Variants in LARGE1 observed in about 807,000 individuals in gnomAD.
LARGE1 encodes LARGE xylosyl- and glucuronyltransferase 1.
A neutral mutation model predicts 87.6 loss-of-function variants in LARGE1; 43 were observed. The ratio of observed to expected loss-of-function variants is 0.49; its 90% CI spans 0.38 to 0.63. The LOEUF (loss-of-function observed/expected upper bound fraction) is 0.63, where lower values mean the gene tolerates loss of function less well. Ranked by LOEUF, LARGE1 falls within the 30% of genes least tolerant of loss-of-function variation. The pLI, the probability that LARGE1 is intolerant of heterozygous loss-of-function variation, is 0.00. For synonymous variants in LARGE1, 434 were observed against 394.6 expected, an observed-to-expected ratio of 1.10 and a Z score of -1.18; for missense variants, 802 against 1,000.2, an observed-to-expected ratio of 0.80 and a Z score of 2.67.
intron 7 of LARGE1, among the ~76,000 whole-genome samples, chr22:33,418,237 G>A (rs2066571205): frequency 1.3e-5 from 2 of 152,166 alleles, no homozygotes; most frequent in South Asian, 2.1e-4. Context: ...GTGAGCCACT[G>A]CAGCCGGCCA....
chr22:33,415,120 A>T (rs1002133151), intron 7 of LARGE1, among the ~76,000 whole-genome samples: 1 of 152,248 alleles, frequency 6.6e-6, no homozygotes, highest in Non-Finnish European at 1.5e-5. Flanking sequence ...AGGGCAAGTC[A>T]GGAGGAGCAC....
intron 6 of LARGE1, among the ~76,000 whole-genome samples, chr22:33,530,070 C>G (rs2072120215): frequency 6.6e-6 from 1 of 152,210 alleles, no homozygotes; most frequent in South Asian, 2.1e-4. Context: ...AATTTCTAAA[C>G]TATCAGATGT....
At chr22:33,664,068 T>A (rs921864351) in intron 2 of LARGE1, among the ~76,000 whole-genome samples, 1 of 152,186 alleles carries the variant, frequency 6.6e-6, no homozygotes, top group Admixed American at 6.5e-5. Flanking sequence ...TAACAGCTCT[T>A]TATGCCACCT....
chr22:33,742,363 T>C lies in LARGE1; in HGVS notation c.106+19008A>G, dbSNP rs555455723. On this transcript the variant is annotated intron_variant, in intron 2 of 14. Transcript: ENST00000397394. ...AGTGACTACTCTTCATGTGATGATG[T>C]AGCTGTTCTTTTCTATCCTGTTCTC... 5.3e-5 allele frequency among the ~76,000 whole-genome samples: 8 copies of C among 152,334 alleles called. No individual in the cohort carries two copies. The East Asian group carries it at 1.3e-3, about 26-fold the overall frequency.
chr22:33,650,589 G>GCGCTC lies in LARGE1; in HGVS notation c.181_185dup (p.Glu63SerfsTer162), dbSNP rs879767025. 1 of 1,605,870 alleles carries GCGCTC rather than the reference G, an allele frequency of 6.2e-7. No homozygotes were observed. Among genetic ancestry groups the GCGCTC allele is most frequent in the Non-Finnish European group, 8.5e-7 (1 of 1,179,896 alleles). On this transcript the variant is annotated frameshift_variant, in exon 3 of 15. Coordinates refer to ENST00000397394, the MANE Select transcript of LARGE1 (RefSeq NM_133642.5). LOFTEE classifies it high-confidence loss of function. Reference sequence around the variant, plus strand: ...CGCGCATGCGCACCTCCAGGCTCTCGCGCTCCCGCTGGCTGGAGGCCGTGT... The same window carrying GCGCTC: ...CGCGCATGCGCACCTCCAGGCTCTCGCGCTCCGCTCCCGCTGGCTGGAGGCCGTGT...
chr22:33,507,839 G>A (rs954101461), intron 6 of LARGE1, among the ~76,000 whole-genome samples: 4 of 152,140 alleles, frequency 2.6e-5, no homozygotes, highest in African/African-American at 9.7e-5. Context: ...CACTGGTGTG[G>A]TACCAGAATT....
At chr22:33,597,165 C>A (rs557428441) in intron 5 of LARGE1, among the ~76,000 whole-genome samples, 36 of 151,904 alleles carry the variant, frequency 2.4e-4, no homozygotes, top group African/African-American at 8.7e-4. Flanking sequence ...AACTATAAAC[C>A]AGGCCCAGCA....
At chr22:33,402,658 G>A (rs1002623660) in intron 7 of LARGE1, among the ~76,000 whole-genome samples, 6 of 152,116 alleles carry the variant, frequency 3.9e-5, no homozygotes, top group Non-Finnish European at 1.5e-5. Flanking sequence ...ATAAGATAAC[G>A]AAATACTCAG....
chr22:33,244,983 A>G (rs1042952303), intron 11 of LARGE1, among the ~76,000 whole-genome samples: 1 of 152,208 alleles, frequency 6.6e-6, no homozygotes, highest in Non-Finnish European at 1.5e-5. Context: ...AATAAAAAAT[A>G]TAAATTTTAT....
intron 3 of LARGE1, among the ~76,000 whole-genome samples, chr22:33,635,629 G>C (rs1397972746): frequency 6.6e-6 from 1 of 152,184 alleles, no homozygotes; most frequent in Non-Finnish European, 1.5e-5. Flanking sequence ...GAGACACAGA[G>C]TGGTTAAGTA....
chr22:33,371,781 G>C (rs530812484), intron 9 of LARGE1, among the ~76,000 whole-genome samples: 1 of 152,006 alleles, frequency 6.6e-6, no homozygotes, highest in Non-Finnish European at 1.5e-5. Flanking sequence ...TCAGGAGATC[G>C]AGACCATCCT....
intron 6 of LARGE1, among the ~76,000 whole-genome samples, chr22:33,545,444 ACACAC>A (rs2077334370): frequency 8.2e-6 from 1 of 121,672 alleles, no homozygotes; most frequent in Non-Finnish European, 1.9e-5. Flanking sequence ...ACACACACAC[ACACAC>A]AATTTCTTCT....
At chr22:33,068,947 C>A in the LARGE1 span, among the ~76,000 whole-genome samples, 1 of 149,522 alleles carries the variant, frequency 6.7e-6, no homozygotes, top group Non-Finnish European at 1.5e-5. Context: ...CTGGAGGGAA[C>A]CCAGGAAACT....
chr22:33,704,549 C>T (rs1004046398), intron 2 of LARGE1, among the ~76,000 whole-genome samples: 2 of 152,184 alleles, frequency 1.3e-5, no homozygotes, highest in Non-Finnish European at 2.9e-5. Flanking sequence ...GCAACTGAGC[C>T]TGATTCCCTG....
At chr22:33,826,416 C>A (rs945759197) in intron 1 of LARGE1, among the ~76,000 whole-genome samples, 3 of 150,884 alleles carry the variant, frequency 2.0e-5, no homozygotes, top group African/African-American at 4.9e-5. Context: ...AATCTCGGCT[C>A]GCTGCAACCT....
At chr22:33,433,597 A>AAAAAC (rs1222151432) in intron 6 of LARGE1, among the ~76,000 whole-genome samples, 8 of 145,512 alleles carry the variant, frequency 5.5e-5, no homozygotes, top group Non-Finnish European at 7.5e-5. Flanking sequence ...CTCCGTCTCA[A>AAAAAC]AAAACAAAAC....
At position 33,407,236 on chromosome 22, in the gene LARGE1, TAC is replaced by T. The variant is rs149515172; in HGVS notation, c.893-22934_893-22933del. The stretch of plus-strand genomic sequence containing the variant: ...ATTCACAAGCACGATCATCGCACAC[TAC>T]AGTTTTGAACTCTTGGGCTCCAGAG... On this transcript the variant is annotated intron_variant, in intron 7 of 14. Transcript: ENST00000397394. Among the ~76,000 whole-genome samples the T allele has an allele frequency of 6.5e-3, 988 of 152,270 alleles. 5 individuals carry two copies. Among genetic ancestry groups the T allele is most frequent in the African/African-American group, 0.022 (908 of 41,532 alleles).
intron 6 of LARGE1, among the ~76,000 whole-genome samples, chr22:33,500,629 CTT>C (rs1211168233): frequency 2.6e-5 from 4 of 152,184 alleles, no homozygotes; most frequent in African/African-American, 9.6e-5. Flanking sequence ...TTTGGTGACT[CTT>C]TGACTTCAGG....
chr22:33,333,269 C>G (rs1937982265), intron 10 of LARGE1, among the ~76,000 whole-genome samples: 1 of 152,154 alleles, frequency 6.6e-6, no homozygotes, highest in South Asian at 2.1e-4. Context: ...CCGCCCACCT[C>G]AGCCTCCCAA....
Sources: gnomAD v4.1 joint callset for allele counts (sites outside exome capture counted in the v4.1 genomes callset) on GRCh38, gnomAD v4.1.1 for gene constraint, MANE v1.5 for transcripts, NCBI Gene and HGNC (gene_info 2026-07-23, HGNC 2026-07-21) for gene names.